Variants in KDM5A observed in about 807,000 individuals in gnomAD.
KDM5A encodes the protein lysine demethylase 5A, also known as lysine-specific demethylase 5A.
KDM5A carries 42 observed loss-of-function variants against 193.5 expected under a neutral mutation model. The ratio of observed to expected loss-of-function variants is 0.22; its 90% CI spans 0.17 to 0.28. The LOEUF is 0.28. Ranked by LOEUF, KDM5A falls within the 10% of genes least tolerant of loss-of-function variation. The pLI is 1.00. For missense variants in KDM5A, 1,692 were observed against 2,055.1 expected (o/e 0.82, Z 3.42); for synonymous variants, 796 against 718.1 (o/e 1.11, Z -1.73).
chr12:334,130 G>A (rs1943896345), intron 11 of KDM5A, 111 bp downstream of exon 11: 3 of 1,018,746 alleles, frequency 2.9e-6, no homozygotes, highest in South Asian at 1.5e-5. Context: ...AGAAATTATT[G>A]AAACCTTAAA....
intron 14 of KDM5A, among the ~76,000 whole-genome samples, chr12:325,753 C>T (rs1943774938): frequency 6.6e-6 from 1 of 152,124 alleles, no homozygotes; most frequent in South Asian, 2.1e-4. Context: ...GTGGCTCACG[C>T]CTGTAATCCC....
intron 2 of KDM5A, among the ~76,000 whole-genome samples, chr12:385,615 A>G (rs1236854232): frequency 6.6e-6 from 1 of 152,204 alleles, no homozygotes; most frequent in Non-Finnish European, 1.5e-5. Context: ...CAAGATTAAC[A>G]AAAATTTTAG....
At chr12:313,303 A>G in intron 19 of KDM5A, 109 bp from the exon 20 acceptor site, 1 of 1,289,660 alleles carries the variant, frequency 7.8e-7, no homozygotes. Flanking sequence ...AATTCTTACC[A>G]CAATCCTATA....
chr12:360,377 G>C, intron 5 of KDM5A, among the ~76,000 whole-genome samples: 1 of 152,002 alleles, frequency 6.6e-6, no homozygotes, highest in East Asian at 1.9e-4. Context: ...AAGGACCAAA[G>C]ATACAAAATA....
chr12:362,222 T>G (rs2137465573), intron 5 of KDM5A, among the ~76,000 whole-genome samples: 1 of 151,646 alleles, frequency 6.6e-6, no homozygotes. Flanking sequence ...AACTTGTCTT[T>G]ACTAAAAAAC....
chr12:360,867 G>A (rs1158691597), intron 5 of KDM5A, among the ~76,000 whole-genome samples: 1 of 152,106 alleles, frequency 6.6e-6, no homozygotes, highest in African/African-American at 2.4e-5. Context: ...TCAGTATGCT[G>A]AAATCACTAA....
intron 9 of KDM5A, among the ~76,000 whole-genome samples, chr12:351,197 T>C (rs1361581806): frequency 6.6e-6 from 1 of 152,216 alleles, no homozygotes; most frequent in African/African-American, 2.4e-5. Context: ...CTCCTAATGC[T>C]ATCCCTCCCC....
chr12:307,734 C>T lies in KDM5A; in HGVS notation c.3650G>A (p.Arg1217Gln), dbSNP rs377384081. The change falls in exon 23 of 28, where the codon CGG becomes CAG. Residue 1217 changes from arginine to glutamine, a missense_variant. This residue lies in a region of KDM5A where 965 missense variants were observed against 1,061.0 expected (regional missense o/e 0.91). Coordinates refer to ENST00000399788, the MANE Select transcript of KDM5A (RefSeq NM_001042603.3). The surrounding 1 kb of genome is among the most constrained non-coding windows in gnomAD (Gnocchi z 4.3). ...EVKFLCPLCM[R>Q]SRRPRLETIL... is the part of the protein sequence containing the mutation. Reference sequence around the variant, plus strand: ...AGTCTCTAGCCTGGGCCTTCGAGACCGCATACAAAGAGGGCAAAGGAATTT... The same window carrying T: ...AGTCTCTAGCCTGGGCCTTCGAGACTGCATACAAAGAGGGCAAAGGAATTT... 2.0e-5 allele frequency: 33 copies of T among 1,614,018 alleles called. No homozygotes were observed. Among genetic ancestry groups the T allele is most frequent in the Non-Finnish European group, 2.5e-5 (30 of 1,180,038 alleles).
At chr12:381,178 G>C (rs572289792) in intron 3 of KDM5A, among the ~76,000 whole-genome samples, 96 of 152,204 alleles carry the variant, frequency 6.3e-4, no homozygotes, top group African/African-American at 2.1e-3. Flanking sequence ...ATTTTTAGTA[G>C]AGACGAGGTT....
chr12:348,984 T>A (rs1333554984), intron 10 of KDM5A, among the ~76,000 whole-genome samples: 2 of 147,058 alleles, frequency 1.4e-5, no homozygotes, highest in African/African-American at 5.0e-5. Flanking sequence ...TTCAGTGAGG[T>A]GAGTTGAAGA....
rs2137388836 is a variant in KDM5A at position 307,716 on chromosome 12, A to T, written c.3668T>A (p.Leu1223Gln). Residue 1223 changes from leucine to glutamine, a missense_variant, in exon 23 of 28, where the codon CTA (leucine) becomes CAA (glutamine). Transcript: ENST00000399788. This position sits in a 1 kb window ranked among gnomAD's most constrained non-coding sequence, Gnocchi z 4.3. ...TACCAGGAGTGACAGAATAGTCTCT[A>T]GCCTGGGCCTTCGAGACCGCATACA... ...PLCMRSRRPR[L>Q]ETILSLLVSL... 1 of 1,614,196 alleles carries T rather than the reference A, an allele frequency of 6.2e-7. No homozygotes were observed. The highest frequency in any genetic ancestry group is 8.5e-7 in the Non-Finnish European group (1 of 1,180,028).
chr12:345,277 T>G (rs970365717), intron 10 of KDM5A, among the ~76,000 whole-genome samples: 3 of 152,066 alleles, frequency 2.0e-5, no homozygotes, highest in African/African-American at 7.2e-5. Context: ...AGCAAGTCCT[T>G]AGAGACCCAC....
intron 27 of KDM5A, among the ~76,000 whole-genome samples, chr12:292,140 G>C (rs1343297887): frequency 6.6e-6 from 1 of 152,170 alleles, no homozygotes; most frequent in Non-Finnish European, 1.5e-5. Flanking sequence ...CTCACCTCAG[G>C]TGATCCGCCC....
chr12:292,813 A>G lies in KDM5A; in HGVS notation c.4812T>C (p.Asp1604=), dbSNP rs780666658. Residue 1604 remains aspartate (D), a synonymous_variant, in exon 27 of 28, where the codon GAT becomes GAC. Transcript: ENST00000399788. ...GTGCTGCGCACACAGCATTCTCATC[A>G]TCAGACTCCTCTGCTCCTGACCAGT... The part of the protein sequence containing the change: ...KYDWSGAEES[D]DENAVCAAQN... The G allele has an allele frequency of 3.7e-6, 6 of 1,614,080 alleles. No individual in the cohort carries two copies. The African/African-American group carries it at 8.0e-5, about 22-fold the overall frequency.
At chr12:335,586 G>A (rs994036329) in intron 10 of KDM5A, among the ~76,000 whole-genome samples, 1 of 152,074 alleles carries the variant, frequency 6.6e-6, no homozygotes, top group South Asian at 2.1e-4. Flanking sequence ...TTACTGTTTA[G>A]AAGTTTCTAT....
intron 5 of KDM5A, among the ~76,000 whole-genome samples, chr12:359,861 C>T (rs543289988): frequency 4.0e-5 from 6 of 149,530 alleles, no homozygotes; most frequent in African/African-American, 1.5e-4. Context: ...AGGGAGGAAA[C>T]AAGGAAGGAA....
intron 26 of KDM5A, 83 bp from the exon 27 acceptor site, chr12:293,252 T>C: frequency 1.7e-6 from 2 of 1,180,324 alleles, no homozygotes; most frequent in Non-Finnish European, 1.2e-6. Flanking sequence ...GTACCTAGAA[T>C]AGACACATTC....
At chr12:339,875 A>ATT (rs202004318) in intron 10 of KDM5A, among the ~76,000 whole-genome samples, 1,973 of 140,806 alleles carry the variant, frequency 0.014, 15 homozygotes, top group Middle Eastern at 0.03. Flanking sequence ...AAGAAGTCTG[A>ATT]TTTTTTTTTT....
chr12:376,990 G>C lies in KDM5A; in HGVS notation c.366+7041C>G, dbSNP rs1218395484. ...AGAAGCTTTTGCAACATAGAACCTGGAAAGGCTTCAGAGGAGTCCCCTTCC... is the reference window on the plus strand; with the variant it reads ...AGAAGCTTTTGCAACATAGAACCTGCAAAGGCTTCAGAGGAGTCCCCTTCC... On this transcript the variant is annotated intron_variant, in intron 3 of 27. Coordinates refer to ENST00000399788, the MANE Select transcript of KDM5A (RefSeq NM_001042603.3). Among the ~76,000 whole-genome samples the C allele has an allele frequency of 3.3e-5, 5 of 151,570 alleles. No homozygotes were observed. In the East Asian group the frequency reaches 9.7e-4, roughly 29 times the overall value.
Sources: allele counts gnomAD v4.1 joint callset (sites outside exome capture counted in the v4.1 genomes callset), GRCh38; gene constraint gnomAD v4.1.1; regional missense constraint gnomAD v4.1.1; non-coding constraint Gnocchi (gnomAD v3.1); transcripts MANE v1.5; gene names NCBI Gene and HGNC (gene_info 2026-07-23, HGNC 2026-07-21).